CCSER1: variants seen among roughly 807,000 people sequenced by gnomAD.
CCSER1 encodes the protein coiled-coil serine rich protein 1, also known as serine-rich coiled-coil domain-containing protein 1.
Under a neutral mutation model 82.0 loss-of-function variants are expected in CCSER1, and 41 were observed. The observed-to-expected ratio is 0.50, with a 90% CI of 0.39 to 0.65. The LOEUF is 0.65. CCSER1 is among the 30% of genes least tolerant of loss of function. The probability of loss-of-function intolerance (pLI) is 0.00; values close to 1 mark genes in which losing one functional copy is unlikely to be tolerated. For missense variants in CCSER1, 1,119 were observed against 1,064.2 expected, an observed-to-expected ratio of 1.05 and a Z score of -0.72; for synonymous variants, 414 against 383.9, an observed-to-expected ratio of 1.08 and a Z score of -0.92.
chr4:90,212,258 G>GTA (rs1051862621), intron 1 of CCSER1, among the ~76,000 whole-genome samples: 5 of 152,056 alleles, frequency 3.3e-5, no homozygotes, highest in African/African-American at 7.2e-5. Flanking sequence ...TGTCATGTAT[G>GTA]TATATATATC....
intron 5 of CCSER1, among the ~76,000 whole-genome samples, chr4:90,502,480 C>A: frequency 6.6e-6 from 1 of 152,070 alleles, no homozygotes; most frequent in Non-Finnish European, 1.5e-5. Flanking sequence ...TGCACAGAGC[C>A]AAACTATATC....
intron 10 of CCSER1, among the ~76,000 whole-genome samples, chr4:91,470,824 G>A (rs1283711619): frequency 2.0e-5 from 3 of 152,080 alleles, no homozygotes; most frequent in African/African-American, 7.2e-5. Flanking sequence ...AAATAAGAAC[G>A]TGTAATTCCC....
At position 91,541,392 on chromosome 4, in the gene CCSER1, T is replaced by C. The variant is rs779071653; in HGVS notation, c.2218-57180T>C. 3.3e-5 allele frequency among the ~76,000 whole-genome samples: 5 copies of C among 152,116 alleles called. No homozygotes were observed. In the South Asian group the frequency reaches 8.3e-4, roughly 25 times the overall value. On this transcript the variant is annotated intron_variant, in intron 10 of 10. Transcript: ENST00000509176. ...ATCCCTCTCCCCTCCCTGCACACCA[T>C]GACAGGCCCAGGTGTGTGATGTTCC...
chr4:90,394,240 G>C (rs576198541), intron 3 of CCSER1, among the ~76,000 whole-genome samples: 1 of 151,968 alleles, frequency 6.6e-6, no homozygotes, highest in South Asian at 2.1e-4. Flanking sequence ...GAAAGGCATT[G>C]CTATTTTTTT....
chr4:90,924,063 T>C (rs1247110522), intron 9 of CCSER1, among the ~76,000 whole-genome samples: 1 of 152,196 alleles, frequency 6.6e-6, no homozygotes, highest in Non-Finnish European at 1.5e-5. Context: ...CTCATTTTTT[T>C]CTTAAACACA....
At chr4:90,518,358 A>G (rs1772564639) in intron 5 of CCSER1, among the ~76,000 whole-genome samples, 1 of 152,112 alleles carries the variant, frequency 6.6e-6, no homozygotes, top group South Asian at 2.1e-4. Flanking sequence ...TGAAATGTAC[A>G]GTTGAAAACA....
chr4:90,683,826 A>C (rs1026359180), intron 6 of CCSER1, among the ~76,000 whole-genome samples: 1 of 152,112 alleles, frequency 6.6e-6, no homozygotes, highest in Non-Finnish European at 1.5e-5. Context: ...TAAACTAATG[A>C]GGGATTGTAT....
chr4:90,608,099 C>G (rs1453205640), intron 5 of CCSER1, among the ~76,000 whole-genome samples: 1 of 152,040 alleles, frequency 6.6e-6, no homozygotes, highest in Non-Finnish European at 1.5e-5. Context: ...ATTTAGGGAT[C>G]TTAATAAATA....
intron 1 of CCSER1, among the ~76,000 whole-genome samples, chr4:90,306,152 C>G (rs562761850): frequency 4.6e-5 from 7 of 152,060 alleles, no homozygotes; most frequent in South Asian, 2.1e-4. Context: ...AGTAGAATGG[C>G]TACCAGGCCC....
chr4:91,514,814 A>G (rs975813888), intron 10 of CCSER1, among the ~76,000 whole-genome samples: 8 of 152,220 alleles, frequency 5.3e-5, no homozygotes, highest in African/African-American at 1.9e-4. Flanking sequence ...GGCTCACAAT[A>G]CAGGACGACA....
In CCSER1 at chr4:90,207,324, C is replaced by T. The variant is rs1432515410; in HGVS notation, c.-42+79493C>T. Reference sequence around the variant, plus strand: ...GTGAATGCCTCATGAAATTCTCATGCTGTGTTTTTCAGCTCCATCAGGTCA... The same window carrying T: ...GTGAATGCCTCATGAAATTCTCATGTTGTGTTTTTCAGCTCCATCAGGTCA... On this transcript the variant is annotated intron_variant, in intron 1 of 10. Coordinates refer to ENST00000509176, the MANE Select transcript of CCSER1 (RefSeq NM_001145065.2). Among the ~76,000 whole-genome samples, 3 of 152,140 alleles carry T rather than the reference C, an allele frequency of 2.0e-5. No homozygotes were observed. In the East Asian group the frequency reaches 5.8e-4, roughly 29 times the overall value.
At chr4:91,366,666 C>T (rs896830586) in intron 10 of CCSER1, among the ~76,000 whole-genome samples, 1 of 152,166 alleles carries the variant, frequency 6.6e-6, no homozygotes, top group Non-Finnish European at 1.5e-5. Flanking sequence ...TCATACTGAT[C>T]CATTCAATTC....
rs76331329 is a variant in CCSER1 at position 90,732,027 on chromosome 4, T to TTCTCTCTCTCTCTCTCTCTCTC, written c.2010+8049_2010+8070dup. On this transcript the variant is annotated intron_variant, in intron 7 of 10. Transcript: ENST00000509176. ...CTGAAAACACTGTACCTATTGGGAT[T>TTCTCTCTCTCTCTCTCTCTCTC]TCTCTCTCTCTCTCTCTCTCTCTCT... Among the ~76,000 whole-genome samples the TTCTCTCTCTCTCTCTCTCTCTC allele has an allele frequency of 2.8e-3, 363 of 131,116 alleles. 18 individuals carry two copies. Among genetic ancestry groups the TTCTCTCTCTCTCTCTCTCTCTC allele is most frequent in the African/African-American group, 0.01 (320 of 30,794 alleles). The allele number at this position is 131,116 out of a possible 152,430, so 86.0% of individuals were successfully genotyped here. A position where few individuals can be genotyped will look rare whatever the true frequency, so the allele number is the denominator to read the frequency against.
intron 10 of CCSER1, among the ~76,000 whole-genome samples, chr4:91,152,096 T>A (rs749330838): frequency 6.6e-6 from 1 of 152,192 alleles, no homozygotes; most frequent in Admixed American, 6.5e-5. Context: ...CCATTACTAT[T>A]GTGTAGGAGT....
chr4:91,267,663 C>G (rs537183032), intron 10 of CCSER1, among the ~76,000 whole-genome samples: 2 of 152,210 alleles, frequency 1.3e-5, no homozygotes, highest in African/African-American at 4.8e-5. Flanking sequence ...AGATAAGTGT[C>G]TTTTGGGAAA....
chr4:90,844,965 G>C (rs1763020806), intron 8 of CCSER1, among the ~76,000 whole-genome samples: 1 of 152,126 alleles, frequency 6.6e-6, no homozygotes, highest in African/African-American at 2.4e-5. Flanking sequence ...TAAATGAATT[G>C]GTGTGGAGCT....
chr4:90,317,158 C>A (rs1736317702), intron 3 of CCSER1, among the ~76,000 whole-genome samples: 1 of 152,084 alleles, frequency 6.6e-6, no homozygotes, highest in Admixed American at 6.5e-5. Context: ...TCTCCAATGG[C>A]TTTACATAGG....
At chr4:91,485,742 C>T (rs1758184225) in intron 10 of CCSER1, among the ~76,000 whole-genome samples, 1 of 152,060 alleles carries the variant, frequency 6.6e-6, no homozygotes, top group Non-Finnish European at 1.5e-5. Context: ...ATTCTTGACT[C>T]TTAAAATGGC....
chr4:90,244,179 G>A (rs949153286), intron 1 of CCSER1, among the ~76,000 whole-genome samples: 3 of 152,148 alleles, frequency 2.0e-5, no homozygotes, highest in Non-Finnish European at 4.4e-5. Flanking sequence ...AGATATTGTA[G>A]GTTAAACATC....
Sources: gnomAD v4.1 joint callset for allele counts (sites outside exome capture counted in the v4.1 genomes callset) on GRCh38, gnomAD v4.1.1 for gene constraint, MANE v1.5 for transcripts, NCBI Gene and HGNC (gene_info 2026-07-23, HGNC 2026-07-21) for gene names.